Variants in CCDC12 observed in about 807,000 individuals in gnomAD.
CCDC12 encodes the protein coiled-coil domain-containing protein 12.
Under a neutral mutation model 25.7 loss-of-function variants are expected in CCDC12, and 28 were observed. The ratio of observed to expected loss-of-function variants is 1.09; its 90% CI spans 0.81 to 1.50. The LOEUF (loss-of-function observed/expected upper bound fraction) is 1.50, where lower values mean the gene tolerates loss of function less well. CCDC12 is among the 40% of genes most tolerant of loss of function. The pLI is 0.00. For missense variants in CCDC12, 198 were observed against 210.0 expected (o/e 0.94, Z 0.35); for synonymous variants, 75 against 87.7 (o/e 0.86, Z 0.81).
At chr3:46,956,087 TA>T (rs1350915482) in intron 1 of CCDC12, among the ~76,000 whole-genome samples, 2 of 152,208 alleles carry the variant, frequency 1.3e-5, no homozygotes, top group African/African-American at 4.8e-5. Flanking sequence ...TTCTCTCAAA[TA>T]AACAGCCCTA....
Position 46,938,947 on chromosome 3 carries a change from A to G in CCDC12, c.164+2051T>C, listed in dbSNP as rs76797684. ...ACAGCAATCGGAGGCATCACTCCTCATGTATGTGTTTACACTTCTGCTTTC... is the reference window on the plus strand; with the variant it reads ...ACAGCAATCGGAGGCATCACTCCTCGTGTATGTGTTTACACTTCTGCTTTC... On this transcript the variant is annotated intron_variant, in intron 2 of 6. Transcript: ENST00000683445. Among the ~76,000 whole-genome samples, 3 of 152,038 alleles carry G rather than the reference A, an allele frequency of 2.0e-5. No individual in the cohort carries two copies. In the East Asian group the frequency reaches 5.8e-4, roughly 29 times the overall value.
chr3:46,975,526 CTTTTTTTTTT>C (rs3028814), intron 1 of CCDC12, among the ~76,000 whole-genome samples: 2 of 82,564 alleles, frequency 2.4e-5, no homozygotes, highest in African/African-American at 7.3e-5. Context: ...TAAATCTTTT[CTTTTTTTTTT>C]TTTTTTTTTT....
At chr3:46,942,799 G>A (rs185627760) in intron 1 of CCDC12, among the ~76,000 whole-genome samples, 13 of 152,318 alleles carry the variant, frequency 8.5e-5, no homozygotes, top group African/African-American at 2.9e-4. Flanking sequence ...AACATGGAAC[G>A]TGGTTCTTGG....
At chr3:46,927,907 A>C (rs1334428359) in intron 2 of CCDC12, among the ~76,000 whole-genome samples, 1 of 152,076 alleles carries the variant, frequency 6.6e-6, no homozygotes, top group Non-Finnish European at 1.5e-5. Context: ...CCGGAATTCC[A>C]CCACTACCAA....
intron 1 of CCDC12, among the ~76,000 whole-genome samples, chr3:46,958,980 G>A (rs185304632): frequency 1.7e-4 from 26 of 152,332 alleles, no homozygotes; most frequent in Admixed American, 1.6e-3. Context: ...AAAATGTGCT[G>A]AAGCTCCTAG....
intron 2 of CCDC12, among the ~76,000 whole-genome samples, chr3:46,936,149 T>G (rs2033432623): frequency 6.6e-6 from 1 of 152,192 alleles, no homozygotes; most frequent in African/African-American, 2.4e-5. Context: ...CTACAGTGTA[T>G]CTGGTTAGAC....
intron 2 of CCDC12, among the ~76,000 whole-genome samples, chr3:46,937,420 G>A (rs2033491644): frequency 6.6e-6 from 1 of 152,170 alleles, no homozygotes; most frequent in Non-Finnish European, 1.5e-5. Context: ...GGCGGGTGCT[G>A]GTGGGGCTTC....
intron 1 of CCDC12, among the ~76,000 whole-genome samples, chr3:46,953,224 T>C (rs149904940): frequency 2.2e-4 from 33 of 152,276 alleles, no homozygotes; most frequent in Admixed American, 2.1e-3. Context: ...AACTATGCAG[T>C]GAGCCCAACA....
At chr3:46,977,495 A>G (rs1246286518), upstream of CCDC12, among the ~76,000 whole-genome samples, 2 of 116,656 alleles carry the variant, frequency 1.7e-5, no homozygotes, top group Non-Finnish European at 3.7e-5. Context: ...AAAAAAAAAA[A>G]GCCTTCCCTG....
chr3:46,951,798 A>AAAAAAAATATATATAT, intron 1 of CCDC12, among the ~76,000 whole-genome samples: 3 of 8,462 alleles, frequency 3.5e-4, no homozygotes, highest in African/African-American at 4.9e-4. Context: ...AAAAAAAAAA[A>AAAAAAAATATATATAT]ATATATATAT....
intron 1 of CCDC12, among the ~76,000 whole-genome samples, chr3:46,954,739 C>G (rs1296428543): frequency 2.6e-5 from 4 of 152,146 alleles, no homozygotes; most frequent in Non-Finnish European, 5.9e-5. Context: ...GCCTGGCCAA[C>G]ATGGTGAAAC....
intron 2 of CCDC12, among the ~76,000 whole-genome samples, chr3:46,927,898 C>T (rs1050718233): frequency 1.2e-4 from 19 of 152,186 alleles, no homozygotes; most frequent in African/African-American, 3.4e-4. Context: ...TGCCCACCCC[C>T]GGAATTCCAC....
intron 4 of CCDC12, 67 bp from the exon 5 acceptor site, chr3:46,923,430 G>T: frequency 1.3e-6 from 2 of 1,549,684 alleles, no homozygotes; most frequent in South Asian, 1.2e-5. Flanking sequence ...GGGCAGGCTC[G>T]AGAAGGAGGG....
upstream of CCDC12, among the ~76,000 whole-genome samples, chr3:46,981,447 A>T (rs894987550): frequency 6.6e-6 from 1 of 151,858 alleles, no homozygotes; most frequent in East Asian, 1.9e-4. Context: ...TCTCAAAAAA[A>T]TAAAATAAAA....
intron 1 of CCDC12, among the ~76,000 whole-genome samples, chr3:46,957,066 C>T (rs912591617): frequency 2.0e-5 from 3 of 152,148 alleles, no homozygotes; most frequent in African/African-American, 7.2e-5. Context: ...GAAGACCCTG[C>T]CCCTTACTAC....
At chr3:46,963,443 C>T (rs62246362) in intron 1 of CCDC12, among the ~76,000 whole-genome samples, 1 of 17,078 alleles carries the variant, frequency 5.9e-5, no homozygotes, top group South Asian at 2.3e-3. Flanking sequence ...TCCTCACGGT[C>T]TCCCTCTCCC....
intron 1 of CCDC12, 24 bp from the exon 2 acceptor site, chr3:46,941,089 C>A (rs758369558): frequency 5.6e-6 from 9 of 1,612,738 alleles, no homozygotes; most frequent in Non-Finnish European, 6.8e-6. Context: ...GAGAAAACCA[C>A]CAGCTCAGTT....
intron 1 of CCDC12, among the ~76,000 whole-genome samples, chr3:46,965,751 C>CATCTCCAGAGGACAAGGGAT (rs2034618437): frequency 6.6e-6 from 1 of 152,212 alleles, no homozygotes; most frequent in East Asian, 1.9e-4. Context: ...GGGATTGGCC[C>CATCTCCAGAGGACAAGGGAT]TGTGTGATTG....
intron 2 of CCDC12, among the ~76,000 whole-genome samples, chr3:46,933,739 A>G (rs1405454961): frequency 6.6e-6 from 1 of 152,218 alleles, no homozygotes; most frequent in African/African-American, 2.4e-5. Context: ...AAAATAAATC[A>G]TGGTACTCTC....
Sources: gnomAD v4.1 joint callset for allele counts (sites outside exome capture counted in the v4.1 genomes callset) on GRCh38, gnomAD v4.1.1 for gene constraint, MANE v1.5 for transcripts, NCBI Gene and HGNC (gene_info 2026-07-23, HGNC 2026-07-21) for gene names.